ARID3B: variants seen among roughly 807,000 people sequenced by gnomAD.
ARID3B encodes AT-rich interaction domain 3B.
A neutral mutation model predicts 51.9 loss-of-function variants in ARID3B; 10 were observed. The ratio of observed to expected loss-of-function variants is 0.19; its 90% CI spans 0.12 to 0.33. ARID3B has a LOEUF of 0.33. Among genes scored for constraint, ARID3B ranks in the 10% least tolerant of loss-of-function variants. The pLI, the probability that ARID3B is intolerant of heterozygous loss-of-function variation, is 1.00. For missense variants in ARID3B, 483 were observed against 716.3 expected (o/e 0.67, Z 3.72); for synonymous variants, 205 against 279.5 (o/e 0.73, Z 2.66).
At chr15:74,589,069 C>T (rs890819916) in intron 4 of ARID3B, among the ~76,000 whole-genome samples, 3 of 132,842 alleles carry the variant, frequency 2.3e-5, no homozygotes, top group African/African-American at 9.0e-5. Context: ...TCACTGTCGC[C>T]CAGGCTGGAG....
intron 4 of ARID3B, among the ~76,000 whole-genome samples, chr15:74,582,369 T>C (rs2061765174): frequency 6.6e-6 from 1 of 152,128 alleles, no homozygotes; most frequent in Non-Finnish European, 1.5e-5. Flanking sequence ...GGTGTCACCA[T>C]GCTGGACAGG....
Position 74,544,246 on chromosome 15 carries a change from G to A in ARID3B, c.310G>A (p.Asp104Asn). The stretch of plus-strand genomic sequence containing the variant: ...CGGAGGTTTGGAAGATGAGGATGGG[G>A]ATGATGAAGTTGCAGAGGTGGCTGA... ...EDGGLEDEDG[D>N]DEVAEVAEKE... The change falls in exon 2 of 9, where the codon GAT becomes AAT. Residue 104 changes from aspartate to asparagine, a missense_variant. Asp to Asn is a conservative substitution (Grantham distance 23). Coordinates refer to ENST00000346246, the MANE Select transcript of ARID3B (RefSeq NM_006465.4). 1 of 1,614,202 alleles carries A rather than the reference G, an allele frequency of 6.2e-7. No individual in the cohort carries two copies. Among genetic ancestry groups the A allele is most frequent in the Non-Finnish European group, 8.5e-7 (1 of 1,180,022 alleles).
intron 4 of ARID3B, chr15:74,574,588 G>A (rs2061730569): frequency 6.6e-6 from 1 of 152,090 alleles, no homozygotes; most frequent in Non-Finnish European, 1.5e-5. Flanking sequence ...GCGTAAAAAA[G>A]GCAATCGAAA....
intron 4 of ARID3B, among the ~76,000 whole-genome samples, chr15:74,579,872 TGCGC>T (rs1308828023): frequency 5.2e-4 from 62 of 118,978 alleles, no homozygotes; most frequent in Middle Eastern, 4.4e-3. Flanking sequence ...TGTGTGTGTG[TGCGC>T]GCGCGCGCAC....
rs2061834623 is a variant in ARID3B at position 74,597,892 on chromosome 15, G to A, written c.*2118G>A. On this transcript the variant is annotated 3_prime_UTR_variant, in exon 9 of 9. Transcript: ENST00000346246. ...GCCAGCAGGTGCCCCCACGAGTGGG[G>A]CCTTGGCCCAAGCAGAGCTTCCCCT... The A allele has an allele frequency of 1.9e-6, 1 of 529,430 alleles. No homozygotes were observed. The highest frequency in any genetic ancestry group is 2.2e-5 in the Admixed American group (1 of 44,778). 32.8% of individuals were successfully genotyped at this position (529,430 alleles called of 1,614,324 possible).
At chr15:74,580,462 A>G (rs1006581904) in intron 4 of ARID3B, among the ~76,000 whole-genome samples, 16 of 152,322 alleles carry the variant, frequency 1.1e-4, no homozygotes, top group African/African-American at 3.8e-4. Context: ...GGTTTCATTA[A>G]AGAGTCAGGA....
At chr15:74,553,598 G>C (rs2061645836) in intron 2 of ARID3B, among the ~76,000 whole-genome samples, 1 of 152,044 alleles carries the variant, frequency 6.6e-6, no homozygotes, top group Non-Finnish European at 1.5e-5. Flanking sequence ...TTATTTTATA[G>C]CTTGATTACA....
In ARID3B at chr15:74,597,818, C is replaced by A; in HGVS notation, c.*2044C>A. ...GCCACACCGTTGGAGTGAACCCTCA[C>A]TGCCCTCAAGGACAACAGCAGGGTG... On this transcript the variant is annotated 3_prime_UTR_variant, in exon 9 of 9. Coordinates refer to ENST00000346246, the MANE Select transcript of ARID3B (RefSeq NM_006465.4). 2 of 484,612 alleles carry A rather than the reference C, an allele frequency of 4.1e-6. No individual in the cohort carries two copies. Among genetic ancestry groups the A allele is most frequent in the East Asian group, 8.0e-5 (2 of 25,116 alleles). The allele number at this position is 484,612 out of a possible 1,614,324, so 30.0% of individuals were successfully genotyped here.
chr15:74,541,899 CAT>C (rs2061596823), intron 1 of ARID3B, among the ~76,000 whole-genome samples: 1 of 152,146 alleles, frequency 6.6e-6, no homozygotes, highest in Non-Finnish European at 1.5e-5. Context: ...AGATTTGAGA[CAT>C]AAGTTCTCCA....
At position 74,573,211 on chromosome 15, in the gene ARID3B, G is replaced by A; in HGVS notation, c.697+7G>A. ...GTCTTTATGCAGAAGAGGGGTGAGT[G>A]TGCATCTACTCATCATTCCAATTCA... is the stretch of plus-strand genomic sequence containing the variant. On this transcript the variant is annotated splice_region_variant and intron_variant, in intron 4 of 8. Coordinates refer to ENST00000346246, the MANE Select transcript of ARID3B (RefSeq NM_006465.4). 1 of 1,613,326 alleles carries A rather than the reference G, an allele frequency of 6.2e-7. No individual in the cohort carries two copies. Among genetic ancestry groups the A allele is most frequent in the South Asian group, 1.1e-5 (1 of 91,070 alleles).
intron 2 of ARID3B, among the ~76,000 whole-genome samples, chr15:74,558,148 C>CTCTG (rs1374435495): frequency 1.4e-5 from 2 of 144,914 alleles, no homozygotes; most frequent in Non-Finnish European, 3.0e-5. Context: ...CCACTTGGGT[C>CTCTG]TCTGTCTGCT....
chr15:74,558,696 G>C (rs990013505), intron 2 of ARID3B, among the ~76,000 whole-genome samples: 4 of 152,290 alleles, frequency 2.6e-5, no homozygotes, highest in African/African-American at 9.6e-5. Context: ...TTCTTGGGGT[G>C]CAAGTTCTTC....
At position 74,597,823 on chromosome 15, in the gene ARID3B, C is replaced by T. The variant is rs2061834294; in HGVS notation, c.*2049C>T. 1 of 491,890 alleles carries T rather than the reference C, an allele frequency of 2.0e-6. No individual in the cohort carries two copies. Among genetic ancestry groups the T allele is most frequent in the Non-Finnish European group, 3.9e-6 (1 of 254,324 alleles). The allele number at this position is 491,890 out of a possible 1,614,324, so 30.5% of individuals were successfully genotyped here. ...ACCGTTGGAGTGAACCCTCACTGCCCTCAAGGACAACAGCAGGGTGTCACC... is the reference window on the plus strand; with the variant it reads ...ACCGTTGGAGTGAACCCTCACTGCCTTCAAGGACAACAGCAGGGTGTCACC... On this transcript the variant is annotated 3_prime_UTR_variant, in exon 9 of 9. Transcript: ENST00000346246.
At chr15:74,569,740 G>T (rs1274971217) in intron 2 of ARID3B, among the ~76,000 whole-genome samples, 3 of 152,210 alleles carry the variant, frequency 2.0e-5, no homozygotes, top group Non-Finnish European at 4.4e-5. Context: ...GAATCTGCCT[G>T]GTGGGCAGAG....
rs576733909 is a variant in ARID3B at position 74,555,899 on chromosome 15, C to T, written c.552+11411C>T. Among the ~76,000 whole-genome samples, 5 of 144,990 alleles carry T rather than the reference C, an allele frequency of 3.4e-5. No homozygotes were observed. In the East Asian group the frequency reaches 1.1e-3, roughly 31 times the overall value. ...CTCCGCCTCCCAGGTTCATGCCATT[C>T]TCCTGCCTCAGCCTCCCGAGTAGCT... On this transcript the variant is annotated intron_variant, in intron 2 of 8. Transcript: ENST00000346246.
chr15:74,569,277 G>C (rs1596257229), intron 2 of ARID3B, among the ~76,000 whole-genome samples: 1 of 152,178 alleles, frequency 6.6e-6, no homozygotes, highest in Non-Finnish European at 1.5e-5. Flanking sequence ...GAGCTGTGGG[G>C]TTGGAGGTCC....
chr15:74,541,512 A>G (rs1290722242), intron 1 of ARID3B, among the ~76,000 whole-genome samples, 182 bp downstream of exon 1: 1 of 152,232 alleles, frequency 6.6e-6, no homozygotes, highest in African/African-American at 2.4e-5. Context: ...TGTGCCCATT[A>G]GGGCATTTGA....
intron 2 of ARID3B, among the ~76,000 whole-genome samples, chr15:74,544,836 G>A (rs531770349): frequency 2.0e-5 from 3 of 151,954 alleles, no homozygotes; most frequent in South Asian, 2.1e-4. Context: ...GACTATAGGC[G>A]CGTGCCACTA....
chr15:74,558,221 G>T lies in ARID3B; in HGVS notation c.552+13733G>T, dbSNP rs553054655. On this transcript the variant is annotated intron_variant, in intron 2 of 8. Coordinates refer to ENST00000346246, the MANE Select transcript of ARID3B (RefSeq NM_006465.4). ...TTTGGGTACTATTTTTTCTTAACCA[G>T]TATTCTAATAGAAGTATTTGAACCT... Among the ~76,000 whole-genome samples the T allele has an allele frequency of 6.6e-4, 79 of 120,246 alleles. 1 individual carries two copies. Among genetic ancestry groups the T allele is most frequent in the African/African-American group, 2.7e-3 (78 of 29,390 alleles). 78.9% of individuals were successfully genotyped at this position (120,246 alleles called of 152,430 possible). A position where few individuals can be genotyped will look rare whatever the true frequency, so the allele number is the denominator to read the frequency against.
Sources: gnomAD v4.1 joint callset for allele counts (sites outside exome capture counted in the v4.1 genomes callset) on GRCh38, gnomAD v4.1.1 for gene constraint, MANE v1.5 for transcripts, NCBI Gene and HGNC (gene_info 2026-07-23, HGNC 2026-07-21) for gene names.